The following DIAPH3 variants were observed in gnomAD, a reference collection of about 807,000 sequenced individuals.
The protein encoded by DIAPH3 is protein diaphanous homolog 3.
Under a neutral mutation model 144.3 loss-of-function variants are expected in DIAPH3, and 117 were observed. The observed-to-expected ratio is 0.81, with a 90% CI of 0.70 to 0.95. The LOEUF (loss-of-function observed/expected upper bound fraction) is 0.95. Ranked by LOEUF, DIAPH3 falls within the 40% of genes least tolerant of loss-of-function variation. The pLI, the probability that DIAPH3 is intolerant of heterozygous loss-of-function variation, is 0.00. For synonymous variants in DIAPH3, 519 were observed against 488.9 expected (o/e 1.06, Z -0.81); for missense variants, 1,421 against 1,412.7 (o/e 1.01, Z -0.09).
chr13:59,886,810 C>A (rs1846577223), intron 20 of DIAPH3, among the ~76,000 whole-genome samples: 1 of 151,796 alleles, frequency 6.6e-6, no homozygotes, highest in Non-Finnish European at 1.5e-5. Context: ...TATTCTATGA[C>A]CTTTTTCAAT....
At chr13:60,027,365 G>A (rs2054448148) in intron 5 of DIAPH3, among the ~76,000 whole-genome samples, 1 of 152,068 alleles carries the variant, frequency 6.6e-6, no homozygotes, top group African/African-American at 2.4e-5. Flanking sequence ...ATATTTTCTT[G>A]AAATATACTT....
chr13:60,127,035 A>G (rs1344695026), intron 2 of DIAPH3, among the ~76,000 whole-genome samples: 1 of 152,096 alleles, frequency 6.6e-6, no homozygotes, highest in Non-Finnish European at 1.5e-5. Flanking sequence ...AGAACTATAA[A>G]GAAAATTAGT....
chr13:60,114,798 A>T (rs1359437575), intron 2 of DIAPH3, among the ~76,000 whole-genome samples: 1 of 152,116 alleles, frequency 6.6e-6, no homozygotes, highest in Non-Finnish European at 1.5e-5. Context: ...ACGAGAAAAA[A>T]ATGATATGAC....
chr13:59,700,621 C>A (rs1013553767), intron 27 of DIAPH3, among the ~76,000 whole-genome samples: 6 of 152,134 alleles, frequency 3.9e-5, no homozygotes, highest in African/African-American at 1.4e-4. Flanking sequence ...CTCCTCCATG[C>A]CTCTTTCCAT....
intron 5 of DIAPH3, among the ~76,000 whole-genome samples, chr13:60,031,807 G>A (rs998064076): frequency 1.2e-4 from 16 of 128,030 alleles, no homozygotes; most frequent in Admixed American, 9.2e-4. Flanking sequence ...GCAGTGGCAC[G>A]ATCTTGGCTC....
rs1370887525 is a variant in DIAPH3 at position 59,774,717 on chromosome 13, A to G, written c.3259+11T>C. 6.2e-7 allele frequency: 1 copy of G among 1,612,342 alleles called. No individual in the cohort carries two copies. The highest frequency in any genetic ancestry group is 8.5e-7 in the Non-Finnish European group (1 of 1,178,458). The stretch of plus-strand genomic sequence containing the variant: ...CCCTAGAAAGTAACATGAAACAAGT[A>G]TAGGGTTCACCTTTTGGCATCGGTG... On this transcript the variant is annotated intron_variant, in intron 26 of 27. Coordinates refer to ENST00000400324, the MANE Select transcript of DIAPH3 (RefSeq NM_001042517.2).
intron 4 of DIAPH3, among the ~76,000 whole-genome samples, chr13:60,092,291 A>G (rs2057962855): frequency 6.6e-6 from 1 of 152,136 alleles, no homozygotes; most frequent in Admixed American, 6.5e-5. Context: ...ATATATAAGT[A>G]TCATTAAAGG....
intron 24 of DIAPH3, among the ~76,000 whole-genome samples, chr13:59,813,113 G>T (rs188746137): frequency 3.5e-4 from 53 of 151,348 alleles, no homozygotes; most frequent in Non-Finnish European, 6.2e-4. Context: ...CTTTCCTATA[G>T]CCCTGTGGGA....
At chr13:60,112,223 T>C (rs755938997) in intron 2 of DIAPH3, 37 bp from the exon 3 acceptor site, 1 of 1,610,952 alleles carries the variant, frequency 6.2e-7, no homozygotes, top group South Asian at 1.1e-5. Flanking sequence ...GTGTAAGTAT[T>C]TCCTTTCCCA....
chr13:59,840,847 T>A (rs1180241756), intron 22 of DIAPH3, among the ~76,000 whole-genome samples: 1 of 152,078 alleles, frequency 6.6e-6, no homozygotes, highest in East Asian at 1.9e-4. Context: ...GTATTCCCTT[T>A]CTGTGATACT....
At chr13:59,852,918 A>G (rs1472341719) in intron 22 of DIAPH3, among the ~76,000 whole-genome samples, 1 of 152,196 alleles carries the variant, frequency 6.6e-6, no homozygotes, top group African/African-American at 2.4e-5. Context: ...TAATCACGGA[A>G]AAATAACACC....
At chr13:59,883,696 A>G (rs1253209586) in intron 20 of DIAPH3, among the ~76,000 whole-genome samples, 1 of 152,170 alleles carries the variant, frequency 6.6e-6, no homozygotes, top group Non-Finnish European at 1.5e-5. Context: ...ACTTGCTGCT[A>G]ATCAACTGTC....
intron 5 of DIAPH3, among the ~76,000 whole-genome samples, chr13:60,033,821 T>C (rs1455086206): frequency 6.6e-6 from 1 of 152,224 alleles, no homozygotes; most frequent in Non-Finnish European, 1.5e-5. Context: ...TTCAGACATA[T>C]ACTGCCCCTC....
chr13:59,889,467 T>G (rs2045657225), intron 20 of DIAPH3, among the ~76,000 whole-genome samples: 1 of 152,078 alleles, frequency 6.6e-6, no homozygotes, highest in Non-Finnish European at 1.5e-5. Flanking sequence ...TTTTATAGTT[T>G]TCATTTCCCT....
chr13:59,770,334 T>C (rs1447136597), intron 27 of DIAPH3, among the ~76,000 whole-genome samples: 1 of 152,154 alleles, frequency 6.6e-6, no homozygotes, highest in Non-Finnish European at 1.5e-5. Flanking sequence ...CACATTCTTA[T>C]AAACACTTAC....
intron 2 of DIAPH3, among the ~76,000 whole-genome samples, chr13:60,116,275 GTAT>G (rs1337482989): frequency 1.3e-5 from 2 of 152,032 alleles, no homozygotes; most frequent in Non-Finnish European, 2.9e-5. Context: ...TATGTGAAAT[GTAT>G]TATAATAGCA....
chr13:59,998,223 C>G (rs372988228), intron 9 of DIAPH3, among the ~76,000 whole-genome samples: 1 of 151,976 alleles, frequency 6.6e-6, no homozygotes, highest in South Asian at 2.1e-4. Flanking sequence ...TAATTTATAC[C>G]AGGGATACTA....
intron 27 of DIAPH3, among the ~76,000 whole-genome samples, chr13:59,691,626 TATA>T (rs2033529196): frequency 2.0e-5 from 3 of 152,106 alleles, no homozygotes; most frequent in Non-Finnish European, 4.4e-5. Flanking sequence ...TTTCAGTCTG[TATA>T]TAGATCAATT....
chr13:59,825,885 A>G (rs1471792758), intron 24 of DIAPH3, among the ~76,000 whole-genome samples: 1 of 152,182 alleles, frequency 6.6e-6, no homozygotes, highest in Non-Finnish European at 1.5e-5. Flanking sequence ...ATATATGCAA[A>G]TCAATAAATG....
Sources: allele counts gnomAD v4.1 joint callset (sites outside exome capture counted in the v4.1 genomes callset), GRCh38; gene constraint gnomAD v4.1.1; transcripts MANE v1.5; gene names NCBI Gene and HGNC (gene_info 2026-07-23, HGNC 2026-07-21).